Variants in NRXN1 observed in about 807,000 individuals in gnomAD.
The protein encoded by NRXN1 is neurexin-1.
In NRXN1, 39 loss-of-function variants were observed where a neutral mutation model predicts 150.9. That is an observed-to-expected ratio of 0.26 (90% CI 0.20 to 0.34). The LOEUF (loss-of-function observed/expected upper bound fraction) is 0.34, where lower values mean the gene tolerates loss of function less well. NRXN1 is among the 10% of genes least tolerant of loss of function. NRXN1 has a pLI of 1.00. For missense variants in NRXN1, 1,815 were observed against 1,949.9 expected (o/e 0.93, Z 1.30); for synonymous variants, 924 against 757.0 (o/e 1.22, Z -3.62).
At chr2:50,163,164 G>GTATATATA (rs59163565) in intron 18 of NRXN1, among the ~76,000 whole-genome samples, 1,530 of 141,732 alleles carry the variant, frequency 0.011, 20 homozygotes, top group Non-Finnish European at 0.013. Flanking sequence ...AATCCAAAAT[G>GTATATATA]TATATATATA....
At chr2:50,125,257 T>G (rs535897249) in intron 18 of NRXN1, among the ~76,000 whole-genome samples, 56 of 152,312 alleles carry the variant, frequency 3.7e-4, no homozygotes, top group African/African-American at 1.1e-3. Context: ...TCAGTAGTCC[T>G]AAATTTCAGA....
chr2:50,162,535 C>G (rs1159153977), intron 18 of NRXN1, among the ~76,000 whole-genome samples: 1 of 151,758 alleles, frequency 6.6e-6, no homozygotes, highest in Non-Finnish European at 1.5e-5. Flanking sequence ...AACTTTGTGG[C>G]AGAAATGGAA....
intron 5 of NRXN1, among the ~76,000 whole-genome samples, chr2:50,800,255 G>A (rs966098532): frequency 2.0e-5 from 3 of 152,088 alleles, no homozygotes; most frequent in Non-Finnish European, 4.4e-5. Flanking sequence ...GAGGAGCCCA[G>A]TTTTCTCCTT....
chr2:50,835,585 C>G (rs1160533131), intron 5 of NRXN1, among the ~76,000 whole-genome samples: 1 of 152,032 alleles, frequency 6.6e-6, no homozygotes, highest in Non-Finnish European at 1.5e-5. Context: ...ATGACATTTG[C>G]TTTGAGAATA....
chr2:49,962,882 T>C (rs1676238835), intron 21 of NRXN1, among the ~76,000 whole-genome samples: 1 of 151,676 alleles, frequency 6.6e-6, no homozygotes, highest in Non-Finnish European at 1.5e-5. Flanking sequence ...GAGCCCAGGA[T>C]ATGGAGACAG....
At chr2:50,447,557 C>CAT (rs1553624310) in intron 17 of NRXN1, among the ~76,000 whole-genome samples, 27 of 137,238 alleles carry the variant, frequency 2.0e-4, no homozygotes, top group African/African-American at 4.4e-4. Context: ...TATATATATA[C>CAT]ATATATATAT....
intron 8 of NRXN1, among the ~76,000 whole-genome samples, chr2:50,566,574 T>C (rs1390213186): frequency 6.6e-6 from 1 of 152,062 alleles, no homozygotes; most frequent in African/African-American, 2.4e-5. Context: ...ATATGAATCA[T>C]TACAGCACCC....
At chr2:50,515,689 A>T (rs1011209171) in intron 12 of NRXN1, among the ~76,000 whole-genome samples, 8 of 151,470 alleles carry the variant, frequency 5.3e-5, no homozygotes, top group African/African-American at 1.5e-4. Flanking sequence ...TTCTACGTAT[A>T]TCAACTTTTC....
intron 21 of NRXN1, among the ~76,000 whole-genome samples, chr2:50,028,513 T>C (rs991433549): frequency 2.0e-5 from 3 of 152,166 alleles, no homozygotes; most frequent in Admixed American, 1.3e-4. Flanking sequence ...TACTGAATAT[T>C]ATATAAGTTG....
chr2:50,732,287 G>T (rs955512684), intron 5 of NRXN1, among the ~76,000 whole-genome samples: 1 of 152,040 alleles, frequency 6.6e-6, no homozygotes, highest in East Asian at 1.9e-4. Flanking sequence ...TGAAGGGAGA[G>T]AAAATAAATT....
intron 17 of NRXN1, among the ~76,000 whole-genome samples, chr2:50,339,659 A>G (rs984895222): frequency 2.6e-5 from 4 of 152,200 alleles, no homozygotes. Context: ...AAAGCTTTTT[A>G]GTATAGTGGT....
At chr2:50,288,467 A>G (rs939735897) in intron 17 of NRXN1, among the ~76,000 whole-genome samples, 2 of 152,186 alleles carry the variant, frequency 1.3e-5, no homozygotes, top group Non-Finnish European at 2.9e-5. Context: ...AAATGAAGAA[A>G]GAATACCTTT....
Position 50,053,351 on chromosome 2 carries a change from A to AT in NRXN1, c.4047dup (p.Ser1350IlefsTer12). On this transcript the variant is annotated frameshift_variant, in exon 21 of 23. Transcript: ENST00000401669. LOFTEE classifies it high-confidence loss of function. ...AGGGTCGTGGTAGTCTCCATAATTG[A>AT]TGTGGACATCTCTGATTGCATGGCA... 6.2e-7 allele frequency: 1 copy of AT among 1,613,954 alleles called. No individual in the cohort carries two copies. Among genetic ancestry groups the AT allele is most frequent in the Non-Finnish European group, 8.5e-7 (1 of 1,179,910 alleles).
At chr2:49,929,070 G>A (rs1181990523) in intron 22 of NRXN1, among the ~76,000 whole-genome samples, 1 of 152,144 alleles carries the variant, frequency 6.6e-6, no homozygotes, top group Non-Finnish European at 1.5e-5. Flanking sequence ...GCATTTGAAG[G>A]GCAGTTAAGG....
At position 50,439,752 on chromosome 2, in the gene NRXN1, G is replaced by A. The variant is rs148490168; in HGVS notation, c.3364+25690C>T. 5.1e-3 allele frequency among the ~76,000 whole-genome samples: 769 copies of A among 151,768 alleles called. 5 individuals are homozygous for A. The highest frequency in any genetic ancestry group is 0.016 in the African/African-American group (675 of 41,328). On this transcript the variant is annotated intron_variant, in intron 17 of 22. Transcript: ENST00000401669. ...GAATGGCGTGAACCTGGGAGGCAGA[G>A]CTTGCAGTGAACCGAAATTGTGCCA... is the stretch of plus-strand genomic sequence containing the variant.
At chr2:50,087,244 G>T (rs144709366) in intron 19 of NRXN1, among the ~76,000 whole-genome samples, 5 of 151,876 alleles carry the variant, frequency 3.3e-5, no homozygotes, top group Non-Finnish European at 5.9e-5. Context: ...GCCTATCTCT[G>T]TAACCAGACT....
At chr2:50,735,453 T>C (rs950027518) in intron 5 of NRXN1, among the ~76,000 whole-genome samples, 26 of 152,258 alleles carry the variant, frequency 1.7e-4, no homozygotes, top group African/African-American at 5.8e-4. Context: ...TTTACAGTCC[T>C]AGAGACTCAC....
intron 5 of NRXN1, among the ~76,000 whole-genome samples, chr2:50,645,168 C>A (rs1200566084): frequency 2.0e-5 from 3 of 151,766 alleles, no homozygotes; most frequent in Non-Finnish European, 2.9e-5. Flanking sequence ...GAACAGAGTG[C>A]GACTGGATGC....
In NRXN1 at chr2:50,033,773, A is replaced by G. The variant is rs182085182; in HGVS notation, c.4128+19498T>C. ...CACCATCTATAAGGAATTTAAACAC[A>G]TTTACACACACACACACAAACCCAA... On this transcript the variant is annotated intron_variant, in intron 21 of 22. Transcript: ENST00000401669. Among the ~76,000 whole-genome samples, 250 of 152,094 alleles carry G rather than the reference A, an allele frequency of 1.6e-3. 1 individual carries two copies. Among genetic ancestry groups the G allele is most frequent in the African/African-American group, 5.9e-3 (243 of 41,530 alleles).
Sources: gnomAD v4.1 joint callset for allele counts (sites outside exome capture counted in the v4.1 genomes callset) on GRCh38, gnomAD v4.1.1 for gene constraint, MANE v1.5 for transcripts, NCBI Gene and HGNC (gene_info 2026-07-23, HGNC 2026-07-21) for gene names.